Variants in TNFRSF10B observed in about 807,000 individuals in gnomAD.
TNFRSF10B encodes the protein TNF receptor superfamily member 10b.
In TNFRSF10B, 35 loss-of-function variants were observed where a neutral mutation model predicts 41.4. The ratio of observed to expected loss-of-function variants is 0.85; its 90% CI spans 0.65 to 1.12. The LOEUF (loss-of-function observed/expected upper bound fraction) is 1.12. Among genes scored for constraint, TNFRSF10B ranks in the 50% most tolerant of loss-of-function variants. The pLI is 0.00. For synonymous variants in TNFRSF10B, 230 were observed against 215.5 expected (o/e 1.07, Z -0.59); for missense variants, 584 against 552.7 (o/e 1.06, Z -0.57).
Position 23,041,255 on chromosome 8 carries a change from C to T in TNFRSF10B, c.250+1883G>A, listed in dbSNP as rs140827853. 3.2e-4 allele frequency among the ~76,000 whole-genome samples: 49 copies of T among 152,226 alleles called. 1 individual carries two copies. In the East Asian group the frequency reaches 8.7e-3, roughly 27 times the overall value. ...TATTTTTAGTAGAAACAGGGTTTCGCCATGTTGGTCAGGCTGGTGTCAAAC... is the reference window on the plus strand; with the variant it reads ...TATTTTTAGTAGAAACAGGGTTTCGTCATGTTGGTCAGGCTGGTGTCAAAC... On this transcript the variant is annotated intron_variant, in intron 2 of 8. Coordinates refer to ENST00000276431, the MANE Select transcript of TNFRSF10B (RefSeq NM_003842.5).
chr8:23,027,492 A>G, intron 6 of TNFRSF10B: 1 of 786,480 alleles, frequency 1.3e-6, no homozygotes, highest in Non-Finnish European at 2.1e-6. Flanking sequence ...CCCCATCCCT[A>G]GGGTGCAGGC....
Position 23,022,039 on chromosome 8 carries a change from G to A in TNFRSF10B, c.*632C>T, listed in dbSNP as rs1376171981. ...TTTGGGAGTCTGAGGTGGGCAGACT[G>A]CTTGAGTCCAGGAATTCGAGACCAC... On this transcript the variant is annotated 3_prime_UTR_variant, in exon 9 of 9. Transcript: ENST00000276431. 1 of 448,106 alleles carries A rather than the reference G, an allele frequency of 2.2e-6. No homozygotes were observed. Among genetic ancestry groups the A allele is most frequent in the Admixed American group, 2.4e-5 (1 of 41,938 alleles). 27.8% of individuals were successfully genotyped at this position (448,106 alleles called of 1,614,324 possible).
At chr8:23,065,901 G>A (rs1486149849) in intron 1 of TNFRSF10B, among the ~76,000 whole-genome samples, 2 of 152,110 alleles carry the variant, frequency 1.3e-5, no homozygotes, top group Non-Finnish European at 2.9e-5. Context: ...TAATGGTGTT[G>A]ATAGATTAAA....
chr8:23,043,956 T>C (rs999767216), intron 1 of TNFRSF10B, among the ~76,000 whole-genome samples: 34 of 152,236 alleles, frequency 2.2e-4, no homozygotes, highest in African/African-American at 8.2e-4. Flanking sequence ...TGTTACATAA[T>C]TGCATGGAGC....
At chr8:23,042,148 C>G (rs1432036767) in intron 2 of TNFRSF10B, among the ~76,000 whole-genome samples, 2 of 152,162 alleles carry the variant, frequency 1.3e-5, no homozygotes, top group Non-Finnish European at 2.9e-5. Flanking sequence ...GCTTCCTGGT[C>G]TTGACCCTGG....
intron 1 of TNFRSF10B, among the ~76,000 whole-genome samples, chr8:23,050,350 T>G (rs929113418): frequency 2.6e-5 from 4 of 152,186 alleles, no homozygotes; most frequent in Admixed American, 2.6e-4. Context: ...TGGGAAGTAT[T>G]GGGTCCATCT....
In TNFRSF10B at chr8:23,058,596, C is replaced by G. The variant is rs369653868; in HGVS notation, c.144+10155G>C. Among the ~76,000 whole-genome samples, 31 of 152,196 alleles carry G rather than the reference C, an allele frequency of 2.0e-4. No homozygotes were observed. The South Asian group carries it at 4.8e-3, about 23-fold the overall frequency. ...TGCCTCCCAGGTTCAAGCGATTCTC[C>G]TGCCTCAGCTTCCCGAGTAGCTGGG... On this transcript the variant is annotated intron_variant, in intron 1 of 8. Transcript: ENST00000276431.
At chr8:23,057,935 C>G (rs1304292148) in intron 1 of TNFRSF10B, among the ~76,000 whole-genome samples, 1 of 152,152 alleles carries the variant, frequency 6.6e-6, no homozygotes, top group Non-Finnish European at 1.5e-5. Flanking sequence ...TCCTACTATA[C>G]CTGCATTTTG....
chr8:23,057,229 T>A (rs577496742), intron 1 of TNFRSF10B, among the ~76,000 whole-genome samples: 2 of 151,276 alleles, frequency 1.3e-5, no homozygotes, highest in African/African-American at 4.9e-5. Flanking sequence ...GTATTTTCAG[T>A]AGAGATGGGG....
intron 1 of TNFRSF10B, among the ~76,000 whole-genome samples, chr8:23,056,650 CAAA>C (rs36035737): frequency 8.1e-6 from 1 of 122,762 alleles, no homozygotes; most frequent in Non-Finnish European, 1.7e-5. Context: ...GACTCCATCT[CAAA>C]AAAAAAAAAA....
Position 23,020,222 on chromosome 8 carries a change from AAC to A in TNFRSF10B, c.*2447_*2448del, listed in dbSNP as rs1453126301. ...CAATGTGCTTCCTTGTTTGTATTATAACACATTTCAAATAGGGACCTTTGACA... is the reference window on the plus strand; with the variant it reads ...CAATGTGCTTCCTTGTTTGTATTATAACATTTCAAATAGGGACCTTTGACA... On this transcript the variant is annotated 3_prime_UTR_variant, in exon 9 of 9. Transcript: ENST00000276431. The A allele has an allele frequency of 4.4e-6, 2 of 453,054 alleles. No individual in the cohort carries two copies. The highest frequency in any genetic ancestry group is 4.7e-5 in the Admixed American group (2 of 42,528). The allele number at this position is 453,054 out of a possible 1,614,324, so 28.1% of individuals were successfully genotyped here.
rs1417734654 is a variant in TNFRSF10B at position 23,068,767 on chromosome 8, G to A, written c.128C>T (p.Ala43Val). 6.3e-7 allele frequency: 1 copy of A among 1,594,330 alleles called. No individual in the cohort carries two copies. The highest frequency in any genetic ancestry group is 1.1e-5 in the South Asian group (1 of 89,272). The change falls in exon 1 of 9, where the codon GCC (alanine) becomes GTC (valine). Residue 43 changes from alanine (A) to valine (V), a missense_variant. Ala to Val is a moderately conservative substitution (Grantham distance 64). Coordinates refer to ENST00000276431, the MANE Select transcript of TNFRSF10B (RefSeq NM_003842.5). ...RVPKTLVLVVAAVLLLVSAES... is the reference protein window; with the variant it reads ...RVPKTLVLVVVAVLLLVSAES... ...GGGACTCACCAACAGCAGGACCGCG[G>A]CGACAACGAGCACAAGGGTCTTGGG...
At chr8:23,057,741 G>A (rs77028737) in intron 1 of TNFRSF10B, among the ~76,000 whole-genome samples, 5,084 of 152,100 alleles carry the variant, frequency 0.033, 271 homozygotes, top group African/African-American at 0.11. Flanking sequence ...CTCTATTATT[G>A]AGGACATATA....
chr8:23,035,975 C>T (rs1190034684), intron 2 of TNFRSF10B, among the ~76,000 whole-genome samples: 2 of 152,238 alleles, frequency 1.3e-5, no homozygotes, highest in Non-Finnish European at 2.9e-5. Flanking sequence ...CCCAACGGTG[C>T]TTGAAGTATT....
chr8:23,036,949 G>C (rs1812047459), intron 2 of TNFRSF10B, among the ~76,000 whole-genome samples: 1 of 152,192 alleles, frequency 6.6e-6, no homozygotes, highest in Admixed American at 6.5e-5. Context: ...ACTGATTCAT[G>C]AGCTGTGGTC....
chr8:23,067,091 G>C (rs1182606884), intron 1 of TNFRSF10B, among the ~76,000 whole-genome samples: 1 of 151,654 alleles, frequency 6.6e-6, no homozygotes, highest in Non-Finnish European at 1.5e-5. Context: ...TGATTCTCCT[G>C]CCTCAACCTC....
At chr8:23,059,487 C>T (rs1446563899) in intron 1 of TNFRSF10B, among the ~76,000 whole-genome samples, 1 of 151,010 alleles carries the variant, frequency 6.6e-6, no homozygotes, top group Non-Finnish European at 1.5e-5. Context: ...TACAAATTTG[C>T]TAATGCTTAT....
rs985415088 is a variant in TNFRSF10B at position 23,020,349 on chromosome 8, GTAAC to G, written c.*2318_*2321del. On this transcript the variant is annotated 3_prime_UTR_variant, in exon 9 of 9. Coordinates refer to ENST00000276431, the MANE Select transcript of TNFRSF10B (RefSeq NM_003842.5). ...GCCTGGGGATATAGCAAAGCCTAATGTAACTAAACAACAAAACCCCCAATTATTT... is the reference window on the plus strand; with the variant it reads ...GCCTGGGGATATAGCAAAGCCTAATGTAAACAACAAAACCCCCAATTATTT... 18 of 453,972 alleles carry G rather than the reference GTAAC, an allele frequency of 4.0e-5. No homozygotes were observed. Among genetic ancestry groups the G allele is most frequent in the African/African-American group, 3.0e-4 (15 of 49,984 alleles). The allele number at this position is 453,972 out of a possible 1,614,324, so 28.1% of individuals were successfully genotyped here. A position where few individuals can be genotyped will look rare whatever the true frequency, so the allele number is the denominator to read the frequency against.
In TNFRSF10B at chr8:23,068,919, C is replaced by T; in HGVS notation, c.-25G>A. On this transcript the variant is annotated 5_prime_UTR_variant, in exon 1 of 9. Coordinates refer to ENST00000276431, the MANE Select transcript of TNFRSF10B (RefSeq NM_003842.5). ...TGGCGGTAGGGAACGCTCTTATAGT[C>T]TCTCAGGCCCGTGGGTTTCAGCCCT... is the stretch of plus-strand genomic sequence containing the variant. 1 of 1,613,212 alleles carries T rather than the reference C, an allele frequency of 6.2e-7. No individual in the cohort carries two copies. The highest frequency in any genetic ancestry group is 8.5e-7 in the Non-Finnish European group (1 of 1,179,932).
Sources: gnomAD v4.1 joint callset for allele counts (sites outside exome capture counted in the v4.1 genomes callset) on GRCh38, gnomAD v4.1.1 for gene constraint, MANE v1.5 for transcripts, NCBI Gene and HGNC (gene_info 2026-07-23, HGNC 2026-07-21) for gene names.